The following GRM7 variants were observed in gnomAD, a reference collection of about 807,000 sequenced individuals.
GRM7 encodes metabotropic glutamate receptor 7.
Under a neutral mutation model 84.5 loss-of-function variants are expected in GRM7, and 35 were observed. That is an observed-to-expected ratio of 0.41 (90% confidence interval 0.32 to 0.55). The LOEUF is 0.55. Ranked by LOEUF, GRM7 falls within the 20% of genes least tolerant of loss-of-function variation. GRM7 has a pLI of 0.19. For missense variants in GRM7, 1,003 were observed against 1,194.6 expected (o/e 0.84, Z 2.36); for synonymous variants, 487 against 455.1 (o/e 1.07, Z -0.89).
chr3:6,949,043 T>A (rs1382313777), intron 1 of GRM7, among the ~76,000 whole-genome samples: 1 of 147,492 alleles, frequency 6.8e-6, no homozygotes, highest in African/African-American at 2.4e-5. Context: ...TTGGAGCATT[T>A]AGCCCATTTA....
At chr3:7,251,554 A>T (rs970726018) in intron 2 of GRM7, among the ~76,000 whole-genome samples, 3 of 152,220 alleles carry the variant, frequency 2.0e-5, no homozygotes, top group African/African-American at 7.2e-5. Context: ...GTAGACAATT[A>T]CATTAAAGTA....
intron 4 of GRM7, among the ~76,000 whole-genome samples, chr3:7,341,577 T>G (rs914185180): frequency 7.9e-5 from 12 of 152,114 alleles, no homozygotes; most frequent in Non-Finnish European, 1.0e-4. Context: ...AGGTAAACTT[T>G]GTAAGCAGTG....
At chr3:6,875,296 C>T (rs1414687643) in intron 1 of GRM7, among the ~76,000 whole-genome samples, 1 of 151,280 alleles carries the variant, frequency 6.6e-6, no homozygotes, top group African/African-American at 2.4e-5. Context: ...TATGGTTTGG[C>T]TGTGTCCGCA....
At chr3:7,498,580 G>A (rs1699781864) in intron 7 of GRM7, among the ~76,000 whole-genome samples, 1 of 152,166 alleles carries the variant, frequency 6.6e-6, no homozygotes. Flanking sequence ...TTGATATTAG[G>A]TTGATGGGAC....
At chr3:6,875,386 G>T (rs1210227115) in intron 1 of GRM7, among the ~76,000 whole-genome samples, 2 of 152,070 alleles carry the variant, frequency 1.3e-5, no homozygotes, top group Non-Finnish European at 1.5e-5. Context: ...GAATCATGGG[G>T]GTGGTTTCCC....
At chr3:6,950,473 G>A (rs1022131065) in intron 1 of GRM7, among the ~76,000 whole-genome samples, 1 of 152,214 alleles carries the variant, frequency 6.6e-6, no homozygotes, top group African/African-American at 2.4e-5. Context: ...CCTACTGGGG[G>A]GTGCCTCCCA....
At chr3:6,875,604 G>C (rs966392224) in intron 1 of GRM7, among the ~76,000 whole-genome samples, 3 of 152,020 alleles carry the variant, frequency 2.0e-5, no homozygotes, top group African/African-American at 7.3e-5. Context: ...CCCAGTCTTG[G>C]GTATGTCTTT....
chr3:7,552,165 A>C (rs73116036), intron 7 of GRM7, among the ~76,000 whole-genome samples: 1 of 152,238 alleles, frequency 6.6e-6, no homozygotes, highest in Non-Finnish European at 1.5e-5. Flanking sequence ...CCAGCCAGGC[A>C]GTCAAATCTT....
At chr3:7,337,429 A>G (rs568963660) in intron 4 of GRM7, among the ~76,000 whole-genome samples, 1 of 152,242 alleles carries the variant, frequency 6.6e-6, no homozygotes, top group African/African-American at 2.4e-5. Flanking sequence ...TAATTTAGCA[A>G]AAAAGCTTCT....
At chr3:6,978,764 A>G (rs1230314004) in intron 1 of GRM7, among the ~76,000 whole-genome samples, 1 of 152,198 alleles carries the variant, frequency 6.6e-6, no homozygotes, top group Non-Finnish European at 1.5e-5. Flanking sequence ...ATTAAAAATA[A>G]TGGAGAAGAC....
At chr3:7,621,646 A>C (rs1697361663) in intron 8 of GRM7, among the ~76,000 whole-genome samples, 1 of 152,146 alleles carries the variant, frequency 6.6e-6, no homozygotes, top group African/African-American at 2.4e-5. Flanking sequence ...ATACAACAGC[A>C]GTGATCAAAG....
At chr3:7,362,825 G>T (rs77320244) in intron 4 of GRM7, among the ~76,000 whole-genome samples, 10,609 of 152,068 alleles carry the variant, frequency 0.07, 425 homozygotes, top group African/African-American at 0.11. Context: ...TTTAGTTCCT[G>T]TTCTTAAAAG....
intron 7 of GRM7, among the ~76,000 whole-genome samples, chr3:7,470,653 C>G (rs1698662081): frequency 6.6e-6 from 1 of 152,088 alleles, no homozygotes; most frequent in Non-Finnish European, 1.5e-5. Flanking sequence ...ATAATAGACT[C>G]CAGATTCTCT....
intron 8 of GRM7, among the ~76,000 whole-genome samples, chr3:7,649,373 C>G (rs1698821176): frequency 2.0e-5 from 3 of 152,132 alleles, no homozygotes; most frequent in Non-Finnish European, 4.4e-5. Context: ...CAGGTGTGAG[C>G]CACCGCGCCC....
chr3:7,176,057 A>C (rs985216945), intron 2 of GRM7, among the ~76,000 whole-genome samples: 2 of 152,068 alleles, frequency 1.3e-5, no homozygotes, highest in South Asian at 4.2e-4. Context: ...TACTTTATCC[A>C]GTTCAAAATA....
intron 2 of GRM7, among the ~76,000 whole-genome samples, chr3:7,234,329 C>T (rs896639341): frequency 1.3e-5 from 2 of 152,138 alleles, no homozygotes; most frequent in South Asian, 4.1e-4. Flanking sequence ...GATTAATTCA[C>T]ATATGTGGAT....
intron 1 of GRM7, among the ~76,000 whole-genome samples, chr3:6,951,328 G>A (rs1028550763): frequency 6.6e-6 from 1 of 151,544 alleles, no homozygotes; most frequent in Non-Finnish European, 1.5e-5. Context: ...GCTTACTTTG[G>A]GTATAGTTTT....
intron 7 of GRM7, among the ~76,000 whole-genome samples, chr3:7,548,205 C>T (rs765247248): frequency 1.3e-5 from 2 of 152,198 alleles, no homozygotes; most frequent in Non-Finnish European, 2.9e-5. Flanking sequence ...TTCGTGCCAT[C>T]CTCTAGGTAA....
chr3:7,481,640 G>A (rs1201041762), intron 7 of GRM7, among the ~76,000 whole-genome samples: 10 of 152,202 alleles, frequency 6.6e-5, no homozygotes, highest in Admixed American at 6.5e-4. Context: ...TTATTGCTAT[G>A]TGTGGCCAAG....
Sources: gnomAD v4.1 joint callset for allele counts (sites outside exome capture counted in the v4.1 genomes callset) on GRCh38, gnomAD v4.1.1 for gene constraint, MANE v1.5 for transcripts, NCBI Gene and HGNC (gene_info 2026-07-23, HGNC 2026-07-21) for gene names.